MLYCD: variants seen among roughly 807,000 people sequenced by gnomAD.
MLYCD encodes malonyl-CoA decarboxylase, also known as malonyl-CoA decarboxylase, mitochondrial.
In MLYCD, 27 loss-of-function variants were observed where a neutral mutation model predicts 35.8. The observed-to-expected ratio is 0.75, with a 90% CI of 0.56 to 1.04. The LOEUF is 1.04. Among genes scored for constraint, MLYCD ranks in the 50% least tolerant of loss-of-function variants. MLYCD has a pLI of 0.00. For missense variants in MLYCD, 917 were observed against 665.1 expected (o/e 1.38, Z -4.17); for synonymous variants, 403 against 302.4 (o/e 1.33, Z -3.45).
chr16:83,921,998 A>C lies in MLYCD; in HGVS notation c.*6509A>C, dbSNP rs1458014839. On this transcript the variant is annotated 3_prime_UTR_variant, in exon 5 of 5. Coordinates refer to ENST00000262430, the MANE Select transcript of MLYCD (RefSeq NM_012213.3). The stretch of plus-strand genomic sequence containing the variant: ...GTCTCACAGACCTGGTTTCCATCCC[A>C]CTTGCTCTCAGGAACCCTGGGCAAC... The C allele has an allele frequency of 7.0e-6, 1 of 142,534 alleles. No individual in the cohort carries two copies. The highest frequency in any genetic ancestry group is 2.3e-4 in the East Asian group (1 of 4,412). The allele number at this position is 142,534 out of a possible 1,614,324, so 8.8% of individuals were successfully genotyped here.
chr16:83,923,665 G>C lies in MLYCD; in HGVS notation c.*8176G>C, dbSNP rs913481601. 6 of 152,304 alleles carry C rather than the reference G, an allele frequency of 3.9e-5. No homozygotes were observed. Among genetic ancestry groups the C allele is most frequent in the Non-Finnish European group, 8.8e-5 (6 of 68,086 alleles). The allele number at this position is 152,304 out of a possible 1,614,324, so 9.4% of individuals were successfully genotyped here. On this transcript the variant is annotated 3_prime_UTR_variant, in exon 5 of 5. Transcript: ENST00000262430. ...GAGCGAGTGTTCCTCACTTAGAGAT[G>C]AGGCGATGAGGCGGCGAGCTGGGAG...
intron 4 of MLYCD, chr16:83,913,472 C>G (rs1426547150): frequency 6.6e-6 from 1 of 152,400 alleles, no homozygotes; most frequent in East Asian, 1.9e-4. Context: ...CCTAGAAGTC[C>G]TCAAAGGGAG....
In MLYCD at chr16:83,915,197, C is replaced by T. The variant is rs766336109; in HGVS notation, c.1190C>T (p.Pro397Leu). Residue 397 changes from proline to leucine, a missense_variant, in exon 5 of 5, where the codon CCG (proline) becomes CTG (leucine). Coordinates refer to ENST00000262430, the MANE Select transcript of MLYCD (RefSeq NM_012213.3). The stretch of plus-strand genomic sequence containing the variant: ...AAGCTGGTGCGGGCGCTGCAGACTC[C>T]GCTGATGAGGCTGTGCGCCTGGTAC... ...SEKLVRALQT[P>L]LMRLCAWYLY... 16 of 1,614,098 alleles carry T rather than the reference C, an allele frequency of 9.9e-6. No homozygotes were observed. The highest frequency in any genetic ancestry group is 1.7e-4 in the Middle Eastern group (1 of 6,052).
chr16:83,923,052 C>G lies in MLYCD; in HGVS notation c.*7563C>G, dbSNP rs931388903. On this transcript the variant is annotated 3_prime_UTR_variant, in exon 5 of 5. Coordinates refer to ENST00000262430, the MANE Select transcript of MLYCD (RefSeq NM_012213.3). ...AGAATCTGAACTCCCTGTGGTCACT[C>G]TGAGGCCTCTCTGTCTCTCTGTGTC... 1 of 152,288 alleles carries G rather than the reference C, an allele frequency of 6.6e-6. No homozygotes were observed. Among genetic ancestry groups the G allele is most frequent in the African/African-American group, 2.4e-5 (1 of 41,470 alleles). The allele number at this position is 152,288 out of a possible 1,614,324, so 9.4% of individuals were successfully genotyped here. A position where few individuals can be genotyped will look rare whatever the true frequency, so the allele number is the denominator to read the frequency against.
intron 1 of MLYCD, among the ~76,000 whole-genome samples, chr16:83,906,115 A>T (rs1031111447): frequency 6.6e-6 from 1 of 152,178 alleles, no homozygotes; most frequent in Admixed American, 6.5e-5. Flanking sequence ...GGCGGGGCAC[A>T]GTGGCTGACG....
chr16:83,924,076 C>T lies in MLYCD; in HGVS notation c.*8587C>T, dbSNP rs1907734654. 6.6e-6 allele frequency: 1 copy of T among 152,278 alleles called. No individual in the cohort carries two copies. Among genetic ancestry groups the T allele is most frequent in the Non-Finnish European group, 1.5e-5 (1 of 68,160 alleles). 9.4% of individuals were successfully genotyped at this position (152,278 alleles called of 1,614,324 possible). ...GCCAGGGAGAGAAGCTGAGCTCCCA[C>T]CAAAGCATAAAATCCAGGCCAGCGA... On this transcript the variant is annotated 3_prime_UTR_variant, in exon 5 of 5. Coordinates refer to ENST00000262430, the MANE Select transcript of MLYCD (RefSeq NM_012213.3).
rs1194711111 is a variant in MLYCD at position 83,918,891 on chromosome 16, C to G, written c.*3402C>G. 6.8e-6 allele frequency: 1 copy of G among 146,114 alleles called. No homozygotes were observed. The highest frequency in any genetic ancestry group is 1.5e-5 in the Non-Finnish European group (1 of 67,362). 9.1% of individuals were successfully genotyped at this position (146,114 alleles called of 1,614,324 possible). Reference sequence around the variant, plus strand: ...AGCCAGTGCACAGGAGAACACTGCACAGGAGAACCACACTGCACAGGAGAA... The same window carrying G: ...AGCCAGTGCACAGGAGAACACTGCAGAGGAGAACCACACTGCACAGGAGAA... On this transcript the variant is annotated 3_prime_UTR_variant, in exon 5 of 5. Coordinates refer to ENST00000262430, the MANE Select transcript of MLYCD (RefSeq NM_012213.3).
Position 83,917,526 on chromosome 16 carries a change from G to A in MLYCD, c.*2037G>A, listed in dbSNP as rs1035791896. Reference sequence around the variant, plus strand: ...GTGACCCTCGCCAGGCCCCTTCTCTGTCTTCTGCGTACGGCGTGTTGCTTC... The same window carrying A: ...GTGACCCTCGCCAGGCCCCTTCTCTATCTTCTGCGTACGGCGTGTTGCTTC... On this transcript the variant is annotated 3_prime_UTR_variant, in exon 5 of 5. Transcript: ENST00000262430. 1 of 154,140 alleles carries A rather than the reference G, an allele frequency of 6.5e-6. No individual in the cohort carries two copies. Among genetic ancestry groups the A allele is most frequent in the East Asian group, 1.9e-4 (1 of 5,182 alleles). The allele number at this position is 154,140 out of a possible 1,614,324, so 9.5% of individuals were successfully genotyped here. A position where few individuals can be genotyped will look rare whatever the true frequency, so the allele number is the denominator to read the frequency against.
chr16:83,899,381 C>G lies in MLYCD; in HGVS notation c.237C>G (p.Ala79=), dbSNP rs748458868. Reference sequence around the variant, plus strand: ...TCGTGAGCTTCTACGGTGGGCTGGCCGAGACGGCCCAGCGGGCCGAACTGC... The same window carrying G: ...TCGTGAGCTTCTACGGTGGGCTGGCGGAGACGGCCCAGCGGGCCGAACTGC... ...ADFVSFYGGL[A]ETAQRAELLG... The change falls in exon 1 of 5, where the codon GCC becomes GCG. Residue 79 remains alanine, a synonymous_variant. Coordinates refer to ENST00000262430, the MANE Select transcript of MLYCD (RefSeq NM_012213.3). 1.2e-5 allele frequency: 19 copies of G among 1,527,422 alleles called. No individual in the cohort carries two copies. Among genetic ancestry groups the G allele is most frequent in the Middle Eastern group, 3.6e-4 (2 of 5,560 alleles). The allele number at this position is 1,527,422 out of a possible 1,614,324, so 94.6% of individuals were successfully genotyped here.
rs147617160 is a variant in MLYCD at position 83,906,999 on chromosome 16, G to A, written c.541G>A (p.Val181Met). The A allele has an allele frequency of 3.4e-4, 548 of 1,614,024 alleles. 5 individuals are homozygous for A. The East Asian group carries it at 9.3e-3, about 27-fold the overall frequency. The change falls in exon 2 of 5, where the codon GTG becomes ATG. Residue 181 changes from valine to methionine, a missense_variant. Physicochemically the swap from Val to Met is conservative, Grantham distance 21 (BLOSUM62 1). Coordinates refer to ENST00000262430, the MANE Select transcript of MLYCD (RefSeq NM_012213.3). ...TTCTCCTTTTCAGGAAATGAATGGG[G>A]TGCTGAAAGGAATGCTCTCAGAATG... ...EGPDVREMNG[V>M]LKGMLSEWFS...
At chr16:83,902,095 G>A (rs1188785396) in intron 1 of MLYCD, among the ~76,000 whole-genome samples, 4 of 140,730 alleles carry the variant, frequency 2.8e-5, no homozygotes, top group African/African-American at 1.1e-4. Flanking sequence ...CTACGTAGTT[G>A]TTTTCTCATA....
chr16:83,907,998 T>C (rs1907040521), intron 2 of MLYCD, 128 bp from the exon 3 acceptor site: 1 of 1,213,628 alleles, frequency 8.2e-7, no homozygotes, highest in Non-Finnish European at 1.2e-6. Context: ...CTTTGAATTT[T>C]CCAGAAGAGT....
chr16:83,911,127 C>T (rs975778967), intron 3 of MLYCD, among the ~76,000 whole-genome samples: 2 of 152,148 alleles, frequency 1.3e-5, no homozygotes. Context: ...CAGGCACCTG[C>T]CACCATGCCC....
intron 4 of MLYCD, 96 bp from the exon 5 acceptor site, chr16:83,914,860 G>A (rs1907314017): frequency 1.3e-6 from 2 of 1,532,360 alleles, no homozygotes; most frequent in African/African-American, 1.4e-5. Context: ...ACAGCAGCAT[G>A]TGAGCCGTAG....
chr16:83,925,992 C>G lies in MLYCD; in HGVS notation c.*10503C>G, dbSNP rs555299511. The G allele has an allele frequency of 1.3e-5, 2 of 152,346 alleles. No homozygotes were observed. The highest frequency in any genetic ancestry group is 4.8e-5 in the African/African-American group (2 of 41,460). 9.4% of individuals were successfully genotyped at this position (152,346 alleles called of 1,614,324 possible). ...GCAGGGACCCTGCTTCGCTTCTGGC[C>G]CGAGGTGGCTGCAGGGTCTGCAAGA... On this transcript the variant is annotated 3_prime_UTR_variant, in exon 5 of 5. Transcript: ENST00000262430.
chr16:83,915,228 T>G lies in MLYCD; in HGVS notation c.1221T>G (p.Tyr407Ter). ...TGAGGCTGTGCGCCTGGTACCTGTA[T>G]GGAGAGAAGCACCGCGGCTACGCGC... ...PLMRLCAWYL[Y>*]GEKHRGYALN... The change falls in exon 5 of 5, where the codon TAT becomes TAG. Residue 407 changes from tyrosine (Y) to a stop codon, truncating the protein, a stop_gained. Coordinates refer to ENST00000262430, the MANE Select transcript of MLYCD (RefSeq NM_012213.3). LOFTEE classifies it high-confidence loss of function. The G allele has an allele frequency of 6.2e-7, 1 of 1,613,650 alleles. No individual in the cohort carries two copies. Among genetic ancestry groups the G allele is most frequent in the Non-Finnish European group, 8.5e-7 (1 of 1,179,598 alleles).
chr16:83,910,176 A>C (rs1471498152), intron 3 of MLYCD, among the ~76,000 whole-genome samples: 1 of 147,368 alleles, frequency 6.8e-6, no homozygotes, highest in Non-Finnish European at 1.5e-5. Context: ...TGGAGATTAG[A>C]TTTTGGAGTA....
rs566956143 is a variant in MLYCD, at chr16:83,915,382, G to A, written c.1375G>A (p.Glu459Lys). The change falls in exon 5 of 5, where the codon GAG (glutamate) becomes AAG (lysine). Residue 459 changes from glutamate to lysine, a missense_variant. By Grantham distance (56) the Glu-to-Lys change is moderately conservative. Coordinates refer to ENST00000262430, the MANE Select transcript of MLYCD (RefSeq NM_012213.3). ...GATGGCCAACTACCGCTACTTCCTG[G>A]AGGAGACGGGCCCCAACAGCACCTC... is the stretch of plus-strand genomic sequence containing the variant. ...GLMANYRYFL[E>K]ETGPNSTSYL... 2 of 1,613,910 alleles carry A rather than the reference G, an allele frequency of 1.2e-6. No individual in the cohort carries two copies. The highest frequency in any genetic ancestry group is 1.7e-6 in the Non-Finnish European group (2 of 1,180,050).
Position 83,920,084 on chromosome 16 carries a change from A to AACAC in MLYCD, c.*4597_*4600dup, listed in dbSNP as rs1026033770. 42 of 151,746 alleles carry AACAC rather than the reference A, an allele frequency of 2.8e-4. No individual in the cohort carries two copies. The highest frequency in any genetic ancestry group is 1.0e-3 in the African/African-American group (42 of 41,220). 9.4% of individuals were successfully genotyped at this position (151,746 alleles called of 1,614,324 possible). ...GTGCACAGGAGAACAGAGTGCACAG[A>AACAC]ACACAGTCCACAGGACAGCACACGG... On this transcript the variant is annotated 3_prime_UTR_variant, in exon 5 of 5. Transcript: ENST00000262430.
Sources: gnomAD v4.1 joint callset for allele counts (sites outside exome capture counted in the v4.1 genomes callset) on GRCh38, gnomAD v4.1.1 for gene constraint, MANE v1.5 for transcripts, NCBI Gene and HGNC (gene_info 2026-07-23, HGNC 2026-07-21) for gene names.